Variants in OPLAH observed in about 807,000 individuals in gnomAD.
OPLAH encodes the protein 5-oxoprolinase, ATP-hydrolysing.
A neutral mutation model predicts 122.8 loss-of-function variants in OPLAH; 103 were observed. That is an observed-to-expected ratio of 0.84 (90% CI 0.71 to 0.99). OPLAH has a LOEUF of 0.99. Ranked by LOEUF, OPLAH falls within the 50% of genes least tolerant of loss-of-function variation. The pLI, the probability that OPLAH is intolerant of heterozygous loss-of-function variation, is 0.00. For missense variants in OPLAH, 1,902 were observed against 1,836.5 expected, an observed-to-expected ratio of 1.04 and a Z score of -0.65; for synonymous variants, 875 against 796.0, an observed-to-expected ratio of 1.10 and a Z score of -1.67.
rs782523399 is a variant in OPLAH, at chr8:144,054,666, C to T, written c.2581G>A (p.Gly861Ser). 6.2e-7 allele frequency: 1 copy of T among 1,612,508 alleles called. No individual in the cohort carries two copies. The highest frequency in any genetic ancestry group is 1.1e-5 in the South Asian group (1 of 91,078). ...ASRGHHADIG[G>S]ITPGSMPPHS... ...GGGGGCATGGAGCCTGGTGTGATGC[C>T]CCCGATGTCTGCGTGGTGCCCTCGG... The change falls in exon 19 of 27, where the codon GGC (glycine) becomes AGC (serine). Residue 861 changes from glycine to serine, a missense_variant. Gly to Ser is a moderately conservative substitution (Grantham distance 56). Transcript: ENST00000618853.
In OPLAH at chr8:144,051,863, G is replaced by C. The variant is rs1210261306; in HGVS notation, c.3623-37C>G. 5 of 1,499,752 alleles carry C rather than the reference G, an allele frequency of 3.3e-6. No homozygotes were observed. The Admixed American group carries it at 7.9e-5, about 24-fold the overall frequency. The allele number at this position is 1,499,752 out of a possible 1,614,324, so 92.9% of individuals were successfully genotyped here. A position where few individuals can be genotyped will look rare whatever the true frequency, so the allele number is the denominator to read the frequency against. On this transcript the variant is annotated intron_variant, in intron 25 of 26. Coordinates refer to ENST00000618853, the MANE Select transcript of OPLAH (RefSeq NM_017570.5). ...GGCGAGGAGTCCAGAGAGACCAGGG[G>C]CGGGGGTGGGGGCGGGGGCGGGGAG...
upstream of OPLAH, among the ~76,000 whole-genome samples, chr8:144,062,370 A>G (rs927435149): frequency 2.0e-5 from 3 of 151,922 alleles, no homozygotes; most frequent in Non-Finnish European, 4.4e-5. Context: ...CCCCATGCCC[A>G]TGGACCTCCT....
upstream of OPLAH, among the ~76,000 whole-genome samples, chr8:144,062,197 T>C (rs1554761007): frequency 6.6e-6 from 1 of 152,094 alleles, no homozygotes; most frequent in Non-Finnish European, 1.5e-5. Flanking sequence ...GGGACCCCTT[T>C]CCTGTAACAT....
upstream of OPLAH, among the ~76,000 whole-genome samples, chr8:144,061,139 T>G (rs782229008): frequency 1.4e-4 from 21 of 152,232 alleles, no homozygotes; most frequent in Non-Finnish European, 2.5e-4. Context: ...CGGGTCTCCC[T>G]CATCTCCAGC....
At chr8:144,050,322 C>G (rs574306267), downstream of OPLAH, 10 of 978,764 alleles carry the variant, frequency 1.0e-5, no homozygotes, top group South Asian at 3.3e-4. Flanking sequence ...CCTTGCGCAG[C>G]AAACAGCTGA....
At position 144,056,494 on chromosome 8, in the gene OPLAH, G is replaced by C. The variant is rs782232517; in HGVS notation, c.1874C>G (p.Pro625Arg). Reference sequence around the variant, plus strand: ...ATCGTCCACGACCACCGGCCGCTCAGGTATGACAAAGCCAAACTCCCTCAT... The same window carrying C: ...ATCGTCCACGACCACCGGCCGCTCACGTATGACAAAGCCAAACTCCCTCAT... ...RYMREFGFVI[P>R]ERPVVVDDVR... The change falls in exon 14 of 27, where the codon CCT becomes CGT. Residue 625 changes from proline (P) to arginine (R), a missense_variant. This residue lies in a region of OPLAH where 1,726 missense variants were observed against 1,642.1 expected (regional missense o/e 1.05). Coordinates refer to ENST00000618853, the MANE Select transcript of OPLAH (RefSeq NM_017570.5). The C allele has an allele frequency of 1.2e-6, 2 of 1,611,830 alleles. No homozygotes were observed. Among genetic ancestry groups the C allele is most frequent in the African/African-American group, 2.7e-5 (2 of 74,910 alleles).
chr8:144,052,007 G>T lies in OPLAH; in HGVS notation c.3531C>A (p.Gly1177=). ...GSGGRGRFRG[G]DGVTRELLFR... ...AGAGCAGCTCGCGGGTGACGCCGTCGCCGCCTCGGAAGCGGCCTCTGCCCC... is the reference window on the plus strand; with the variant it reads ...AGAGCAGCTCGCGGGTGACGCCGTCTCCGCCTCGGAAGCGGCCTCTGCCCC... The change falls in exon 25 of 27, where the codon GGC becomes GGA. Residue 1177 remains glycine (G), a synonymous_variant. Coordinates refer to ENST00000618853, the MANE Select transcript of OPLAH (RefSeq NM_017570.5). 6.3e-7 allele frequency: 1 copy of T among 1,587,606 alleles called. No homozygotes were observed. Among genetic ancestry groups the T allele is most frequent in the South Asian group, 1.1e-5 (1 of 90,166 alleles).
rs782297847 is a variant in OPLAH, at chr8:144,053,077, C to G, written c.2924G>C (p.Arg975Pro). The change falls in exon 21 of 27, where the codon CGG (arginine) becomes CCG (proline). Residue 975 changes from arginine (R) to proline (P), a missense_variant. Around this residue, in one of 3 missense-constraint regions of OPLAH, gnomAD observed 1,726 missense variants for 1,642.1 expected, o/e 1.05. Transcript: ENST00000618853. Reference sequence around the variant, plus strand: ...CTCCAGGGGCAGGCCCCGGGCCTGCCGGGAGGTTCCAAAGGCACGCAACAT... The same window carrying G: ...CTCCAGGGGCAGGCCCCGGGCCTGCGGGGAGGTTCCAAAGGCACGCAACAT... ...RDMLRAFGTSRQARGLPLEVS... is the reference protein window; with the variant it reads ...RDMLRAFGTSPQARGLPLEVS... 3 of 1,603,076 alleles carry G rather than the reference C, an allele frequency of 1.9e-6. No homozygotes were observed. Among genetic ancestry groups the G allele is most frequent in the African/African-American group, 1.3e-5 (1 of 74,646 alleles).
Position 144,057,634 on chromosome 8 carries a change from C to T in OPLAH, c.1236G>A (p.Pro412=), listed in dbSNP as rs782247731. 1.3e-5 allele frequency: 21 copies of T among 1,602,036 alleles called. No homozygotes were observed. Among genetic ancestry groups the T allele is most frequent in the African/African-American group, 9.4e-5 (7 of 74,708 alleles). ...LPASFPCIFG[P]GENQPLSPEA... is the part of the protein sequence containing the mutation. ...CAGGGGAAAGTGGTTGGTTCTCTCC[C>T]GGCCCAAAAATGCAGGGGAAGGAGG... Residue 412 remains proline, a synonymous_variant, in exon 10 of 27, where the codon CCG becomes CCA. Transcript: ENST00000618853.
chr8:144,057,783 G>A, intron 9 of OPLAH, 70 bp from the exon 10 acceptor site: 1 of 1,609,018 alleles, frequency 6.2e-7, no homozygotes. Context: ...GCAGGGATAG[G>A]GCTGACAGGA....
Position 144,055,674 on chromosome 8 carries a change from G to A in OPLAH, c.2248+114C>T, listed in dbSNP as rs1449653282. On this transcript the variant is annotated intron_variant, in intron 16 of 26. Coordinates refer to ENST00000618853, the MANE Select transcript of OPLAH (RefSeq NM_017570.5). The surrounding 1 kb of genome is among the most constrained non-coding windows in gnomAD (Gnocchi z 6.5). ...CACCAGTGCTGCGGCCACACTGCCC[G>A]CCCCGTCGCCAGGGGGTCCTGCTTC... is the stretch of plus-strand genomic sequence containing the variant. 2.9e-5 allele frequency: 38 copies of A among 1,291,890 alleles called. No individual in the cohort carries two copies. The highest frequency in any genetic ancestry group is 4.3e-4 in the Middle Eastern group (2 of 4,656). 80.0% of individuals were successfully genotyped at this position (1,291,890 alleles called of 1,614,324 possible). A position where few individuals can be genotyped will look rare whatever the true frequency, so the allele number is the denominator to read the frequency against.
At chr8:144,063,018 C>A (rs571049017), upstream of OPLAH, among the ~76,000 whole-genome samples, 1 of 152,262 alleles carries the variant, frequency 6.6e-6, no homozygotes, top group South Asian at 2.1e-4. This position sits in a 1 kb window ranked among gnomAD's most constrained non-coding sequence, Gnocchi z 4.2. Flanking sequence ...TGCCTCCTAC[C>A]CCACTGGGCC....
rs1835399699 is a variant in OPLAH, at chr8:144,052,272, C to G, written c.3358G>C (p.Val1120Leu). Residue 1120 changes from valine (V) to leucine (L), a missense_variant, in exon 24 of 27, where the codon GTG (valine) becomes CTG (leucine). Physicochemically the swap from Val to Leu is conservative, Grantham distance 32. Transcript: ENST00000618853. ...GGACCCGCGCCCGCGCCGCCCGCCACCGTCTCGTAGTAGCCCATGTGGGCG... is the reference window on the plus strand; with the variant it reads ...GGACCCGCGCCCGCGCCGCCCGCCAGCGTCTCGTAGTAGCCCATGTGGGCG... ...GNAHMGYYET[V>L]AGGAGAGPSW... 6.5e-7 allele frequency: 1 copy of G among 1,536,758 alleles called. No homozygotes were observed.
chr8:144,057,369 GC>G, intron 10 of OPLAH, 49 bp from the exon 11 acceptor site: 3 of 1,583,946 alleles, frequency 1.9e-6, no homozygotes, highest in Non-Finnish European at 2.6e-6. Context: ...ACCCCATCCA[GC>G]CCCCAGCCTG....
chr8:144,051,487 G>GA lies in OPLAH; in HGVS notation c.3721-16_3721-15insT. 6.8e-7 allele frequency: 1 copy of GA among 1,470,054 alleles called. No homozygotes were observed. The highest frequency in any genetic ancestry group is 9.1e-7 in the Non-Finnish European group (1 of 1,104,490). 91.1% of individuals were successfully genotyped at this position (1,470,054 alleles called of 1,614,324 possible). ...CAGAACACATCCTGTTGGCGCGGGG[G>GA]GGGGCGGGGAGGCGGGCTCAGTGCA... is the stretch of plus-strand genomic sequence containing the variant. On this transcript the variant is annotated splice_polypyrimidine_tract_variant and intron_variant, in intron 26 of 26. Coordinates refer to ENST00000618853, the MANE Select transcript of OPLAH (RefSeq NM_017570.5).
At position 144,053,250 on chromosome 8, in the gene OPLAH, A is replaced by G. The variant is rs1554758192; in HGVS notation, c.2830T>C (p.Tyr944His). ...IQLVGELIGQ[Y>H]GLDVVQAYMG... ...TAGGCCTGCACCACGTCCAGGCCGTACTGCCCAATGAGCTCCCCCACCAGC... is the reference window on the plus strand; with the variant it reads ...TAGGCCTGCACCACGTCCAGGCCGTGCTGCCCAATGAGCTCCCCCACCAGC... The change falls in exon 20 of 27, where the codon TAC becomes CAC. Residue 944 changes from tyrosine (Y) to histidine (H), a missense_variant. Around this residue, in one of 3 missense-constraint regions of OPLAH, gnomAD observed 1,726 missense variants for 1,642.1 expected, o/e 1.05. Coordinates refer to ENST00000618853, the MANE Select transcript of OPLAH (RefSeq NM_017570.5). The G allele has an allele frequency of 1.9e-6, 3 of 1,612,942 alleles. No homozygotes were observed. Among genetic ancestry groups the G allele is most frequent in the East Asian group, 2.2e-5 (1 of 44,876 alleles).
downstream of OPLAH, chr8:144,050,556 G>T (rs1554757462): frequency 1.0e-6 from 1 of 985,506 alleles, no homozygotes; most frequent in African/African-American, 1.7e-5. Flanking sequence ...GCTAGAGCAG[G>T]AGCACGAGCT....
chr8:144,058,363 C>G lies in OPLAH; in HGVS notation c.825G>C (p.Ala275=). Residue 275 remains alanine, a synonymous_variant, in exon 7 of 27, where the codon GCG becomes GCC. Coordinates refer to ENST00000618853, the MANE Select transcript of OPLAH (RefSeq NM_017570.5). ...TGGAGCCGCTGAAGGTGTCCATGGGCGCCAGGCCGCCATCGGAGCGCATGA... is the reference window on the plus strand; with the variant it reads ...TGGAGCCGCTGAAGGTGTCCATGGGGGCCAGGCCGCCATCGGAGCGCATGA... ...VLFMRSDGGL[A]PMDTFSGSSA... is the part of the protein sequence containing the mutation. 6.3e-7 allele frequency: 1 copy of G among 1,594,088 alleles called. No homozygotes were observed. The highest frequency in any genetic ancestry group is 8.5e-7 in the Non-Finnish European group (1 of 1,173,592).
Position 144,058,479 on chromosome 8 carries a change from GT to G in OPLAH, c.783+16del, listed in dbSNP as rs1288274175. On this transcript the variant is annotated intron_variant, in intron 6 of 26. Coordinates refer to ENST00000618853, the MANE Select transcript of OPLAH (RefSeq NM_017570.5). ...CCAGGCCCAGGAGTGGGCAGTGGGGGTGCCTCACAGCCTCACCTTGAGTTGG... is the reference window on the plus strand; with the variant it reads ...CCAGGCCCAGGAGTGGGCAGTGGGGGGCCTCACAGCCTCACCTTGAGTTGG... 37 of 1,575,256 alleles carry G rather than the reference GT, an allele frequency of 2.3e-5. No individual in the cohort carries two copies. The highest frequency in any genetic ancestry group is 2.9e-5 in the Non-Finnish European group (34 of 1,164,246).
Sources: gnomAD v4.1 joint callset for allele counts (sites outside exome capture counted in the v4.1 genomes callset) on GRCh38, gnomAD v4.1.1 for gene constraint, gnomAD v4.1.1 regional missense constraint, Gnocchi (gnomAD v3.1) non-coding constraint, MANE v1.5 for transcripts, NCBI Gene and HGNC (gene_info 2026-07-23, HGNC 2026-07-21) for gene names.